The following PCSK2 variants were observed in gnomAD, a reference collection of about 807,000 sequenced individuals.
The protein encoded by PCSK2 is proprotein convertase subtilisin/kexin type 2.
Under a neutral mutation model 69.7 loss-of-function variants are expected in PCSK2, and 14 were observed. The observed-to-expected ratio is 0.20, with a 90% CI of 0.13 to 0.31. The LOEUF (loss-of-function observed/expected upper bound fraction) is 0.31. PCSK2 is among the 10% of genes least tolerant of loss of function. PCSK2 has a pLI of 1.00. For missense variants in PCSK2, 544 were observed against 842.5 expected (o/e 0.65, Z 4.39); for synonymous variants, 307 against 320.7 (o/e 0.96, Z 0.46).
chr20:17,303,546 T>TATATTATATTA (rs1989222693), intron 2 of PCSK2, among the ~76,000 whole-genome samples: 1 of 29,892 alleles, frequency 3.3e-5, no homozygotes, highest in African/African-American at 1.0e-4. Context: ...ATATATAATA[T>TATATTATATTA]GATATAATAT....
intron 11 of PCSK2, 98 bp downstream of exon 11, chr20:17,465,651 G>A: frequency 5.2e-6 from 4 of 769,658 alleles, no homozygotes; most frequent in Non-Finnish European, 8.3e-6. Context: ...TCATGTTTGG[G>A]TCAACTGTAT....
intron 3 of PCSK2, among the ~76,000 whole-genome samples, chr20:17,360,205 A>T (rs2030342230): frequency 6.6e-6 from 1 of 152,254 alleles, no homozygotes; most frequent in Admixed American, 6.5e-5. Flanking sequence ...ATTCTAAATC[A>T]GGGAGGGTTT....
intron 6 of PCSK2, among the ~76,000 whole-genome samples, chr20:17,411,395 C>T (rs925471741): frequency 6.6e-6 from 1 of 152,252 alleles, no homozygotes; most frequent in Admixed American, 6.5e-5. Flanking sequence ...TCTGGGTTGG[C>T]AGGTCCCACG....
chr20:17,236,619 T>C (rs1254960459), intron 1 of PCSK2, among the ~76,000 whole-genome samples: 2 of 152,316 alleles, frequency 1.3e-5, no homozygotes, highest in East Asian at 3.9e-4. Flanking sequence ...TTGCTTATAT[T>C]AGTTCTTTCT....
intron 1 of PCSK2, among the ~76,000 whole-genome samples, chr20:17,237,719 T>C (rs923006403): frequency 2.0e-5 from 3 of 151,842 alleles, no homozygotes; most frequent in Non-Finnish European, 4.4e-5. Context: ...ACTTAAAGAG[T>C]GATTCTACAA....
At position 17,482,007 on chromosome 20, in the gene PCSK2, GC is replaced by G. The variant is rs1176061749; in HGVS notation, c.1855del (p.Leu619TrpfsTer13). On this transcript the variant is annotated frameshift_variant, in exon 12 of 12. Transcript: ENST00000262545. LOFTEE classifies it high-confidence loss of function. ...AGTTGGCCATGTCCAAGAAAGAGGA[GC>G]TGGAGGAAGAGCTGGACGAAGCCGT... Reference protein sequence around the residue: ...SKLAMSKKEELEEELDEAVER... With the variant: ...SKLAMSKKEEXEEELDEAVER... The G allele has an allele frequency of 6.2e-7, 1 of 1,612,050 alleles. No homozygotes were observed. The highest frequency in any genetic ancestry group is 8.5e-7 in the Non-Finnish European group (1 of 1,179,596).
intron 10 of PCSK2, among the ~76,000 whole-genome samples, chr20:17,462,112 C>T (rs766477188): frequency 6.6e-6 from 1 of 152,114 alleles, no homozygotes; most frequent in Non-Finnish European, 1.5e-5. Flanking sequence ...TCAGAATCCC[C>T]AGGGGAGCCC....
At chr20:17,404,352 T>C (rs1232236587) in intron 5 of PCSK2, among the ~76,000 whole-genome samples, 3 of 152,230 alleles carry the variant, frequency 2.0e-5, no homozygotes, top group Non-Finnish European at 4.4e-5. Flanking sequence ...TGCCACTCTC[T>C]GCCAAGGGCA....
chr20:17,470,467 G>C (rs2033180479), intron 11 of PCSK2, among the ~76,000 whole-genome samples: 1 of 152,132 alleles, frequency 6.6e-6, no homozygotes, highest in Admixed American at 6.5e-5. Context: ...ACTCTATGAA[G>C]GGGTGTCAAG....
rs1555790030 is a variant in PCSK2 at position 17,348,062 on chromosome 20, A to AGAAAGAAAG, written c.283-10264_283-10256dup. ...AGAAAGAAAGAAAGGAAAGAAAGAA[A>AGAAAGAAAG]GAAAGAAAGAAAGAAAGAAAGAAAG... On this transcript the variant is annotated intron_variant, in intron 2 of 11. Transcript: ENST00000262545. Among the ~76,000 whole-genome samples the AGAAAGAAAG allele has an allele frequency of 6.7e-4, 65 of 96,990 alleles. 2 individuals carry two copies. Among genetic ancestry groups the AGAAAGAAAG allele is most frequent in the African/African-American group, 2.4e-3 (61 of 25,320 alleles). The allele number at this position is 96,990 out of a possible 152,430, so 63.6% of individuals were successfully genotyped here.
At chr20:17,297,902 G>A (rs1017428473) in intron 2 of PCSK2, among the ~76,000 whole-genome samples, 2 of 152,190 alleles carry the variant, frequency 1.3e-5, no homozygotes, top group Admixed American at 6.5e-5. Flanking sequence ...TTTGATTTAA[G>A]CTAAAAGTAT....
chr20:17,433,755 G>A (rs1475585223), intron 7 of PCSK2, among the ~76,000 whole-genome samples: 1 of 146,984 alleles, frequency 6.8e-6, no homozygotes, highest in Non-Finnish European at 1.5e-5. Context: ...TGTTAGGGAT[G>A]TGAAGACACA....
intron 2 of PCSK2, among the ~76,000 whole-genome samples, chr20:17,299,121 T>A (rs1324607228): frequency 6.6e-6 from 1 of 152,234 alleles, no homozygotes; most frequent in Non-Finnish European, 1.5e-5. Flanking sequence ...CTTCACTTTT[T>A]TGCTAGAAAG....
intron 8 of PCSK2, among the ~76,000 whole-genome samples, chr20:17,450,867 C>G (rs2032808846): frequency 6.6e-6 from 1 of 152,108 alleles, no homozygotes; most frequent in African/African-American, 2.4e-5. Flanking sequence ...GTCTCAGGTT[C>G]TAATATATGA....
At chr20:17,476,712 C>A (rs541240691) in intron 11 of PCSK2, among the ~76,000 whole-genome samples, 230 of 152,360 alleles carry the variant, frequency 1.5e-3, no homozygotes, top group Non-Finnish European at 2.5e-3. Context: ...TACTCTGAGA[C>A]TCTTTGTGCT....
At chr20:17,335,212 C>T (rs886757253) in intron 2 of PCSK2, among the ~76,000 whole-genome samples, 1 of 151,542 alleles carries the variant, frequency 6.6e-6, no homozygotes, top group Non-Finnish European at 1.5e-5. Context: ...TGTCTGAAGA[C>T]TCAACAGGGC....
chr20:17,339,598 T>C (rs1348408850), intron 2 of PCSK2, among the ~76,000 whole-genome samples: 2 of 152,208 alleles, frequency 1.3e-5, no homozygotes, highest in Non-Finnish European at 2.9e-5. Flanking sequence ...AATACAGATC[T>C]CATGTTATTA....
At chr20:17,469,752 A>G (rs753649126) in intron 11 of PCSK2, among the ~76,000 whole-genome samples, 4 of 152,138 alleles carry the variant, frequency 2.6e-5, no homozygotes, top group Non-Finnish European at 5.9e-5. Flanking sequence ...AGGTTGGGAA[A>G]GGTCAAGGGC....
chr20:17,381,439 G>T (rs2031084500), intron 5 of PCSK2, among the ~76,000 whole-genome samples: 1 of 152,106 alleles, frequency 6.6e-6, no homozygotes, highest in Admixed American at 6.6e-5. Context: ...TATAACTCAA[G>T]CATTGCCAAT....
Sources: allele counts gnomAD v4.1 joint callset (sites outside exome capture counted in the v4.1 genomes callset), GRCh38; gene constraint gnomAD v4.1.1; transcripts MANE v1.5; gene names NCBI Gene and HGNC (gene_info 2026-07-23, HGNC 2026-07-21).